STAT4: variants seen among roughly 807,000 people sequenced by gnomAD.
STAT4 encodes the protein signal transducer and activator of transcription 4.
Under a neutral mutation model 110.5 loss-of-function variants are expected in STAT4, and 42 were observed. The ratio of observed to expected loss-of-function variants is 0.38; its 90% CI spans 0.30 to 0.49. The LOEUF (loss-of-function observed/expected upper bound fraction) is 0.49. Among genes scored for constraint, STAT4 ranks in the 20% least tolerant of loss-of-function variants. The pLI is 0.95. For missense variants in STAT4, 632 were observed against 887.9 expected (o/e 0.71, Z 3.66); for synonymous variants, 284 against 302.2 (o/e 0.94, Z 0.63).
Position 191,030,695 on chromosome 2 carries a change from T to A in STAT4, c.2220+277A>T. ...GGGCCCATGGTGCAAGCAGCGATAG[T>A]GTGCTTGAGTAGGGTATAGGAATAT... On this transcript the variant is annotated intron_variant, in intron 23 of 23. Transcript: ENST00000392320. The surrounding 1 kb of genome is among the most constrained non-coding windows in gnomAD (Gnocchi z 4.4). The A allele has an allele frequency of 3.3e-6, 1 of 306,012 alleles. No individual in the cohort carries two copies. Among genetic ancestry groups the A allele is most frequent in the Non-Finnish European group, 6.3e-6 (1 of 159,368 alleles). 19.0% of individuals were successfully genotyped at this position (306,012 alleles called of 1,614,324 possible). A position where few individuals can be genotyped will look rare whatever the true frequency, so the allele number is the denominator to read the frequency against.
chr2:191,032,850 A>C lies in STAT4; in HGVS notation c.2044+108T>G. 8.5e-7 allele frequency: 1 copy of C among 1,173,112 alleles called. No homozygotes were observed. The highest frequency in any genetic ancestry group is 1.2e-6 in the Non-Finnish European group (1 of 836,588). 72.7% of individuals were successfully genotyped at this position (1,173,112 alleles called of 1,614,324 possible). ...ACCTCCACATGCCCTTAGATCTTAC[A>C]GAAATCAGAGTAAACAAGAAGGGGA... On this transcript the variant is annotated intron_variant, in intron 21 of 23. Transcript: ENST00000392320. The surrounding 1 kb of genome is among the most constrained non-coding windows in gnomAD (Gnocchi z 4.9).
intron 3 of STAT4, among the ~76,000 whole-genome samples, chr2:191,130,301 C>T (rs1574186367): frequency 1.3e-5 from 2 of 148,420 alleles, no homozygotes; most frequent in Non-Finnish European, 3.0e-5. Flanking sequence ...CAGCTCACTG[C>T]AAGCTAGGGT....
intron 3 of STAT4, among the ~76,000 whole-genome samples, chr2:191,089,556 G>T (rs1697736209): frequency 6.6e-6 from 1 of 152,164 alleles, no homozygotes; most frequent in Non-Finnish European, 1.5e-5. Flanking sequence ...GCACCCCTTG[G>T]TATTTATCTA....
intron 3 of STAT4, among the ~76,000 whole-genome samples, chr2:191,127,139 A>T (rs111378866): frequency 1.8e-4 from 28 of 152,240 alleles, no homozygotes; most frequent in African/African-American, 6.5e-4. Flanking sequence ...AACCAAAAAA[A>T]CTCAGTGTCA....
chr2:191,057,981 GA>G (rs750441597), intron 13 of STAT4, 36 bp downstream of exon 13: 15 of 1,520,834 alleles, frequency 9.9e-6, no homozygotes, highest in African/African-American at 1.4e-5. Flanking sequence ...TGATTTTGGG[GA>G]AAAAAAAGCC....
At chr2:191,071,443 T>C (rs1048241557) in intron 5 of STAT4, among the ~76,000 whole-genome samples, 2 of 152,206 alleles carry the variant, frequency 1.3e-5, no homozygotes, top group African/African-American at 4.8e-5. Context: ...AAAGCAGAGA[T>C]ATACTGTGGT....
intron 3 of STAT4, among the ~76,000 whole-genome samples, chr2:191,130,362 A>G (rs976217601): frequency 8.8e-5 from 13 of 147,856 alleles, no homozygotes; most frequent in Non-Finnish European, 1.9e-4. Context: ...AGCTTGGACT[A>G]CAGGCACCTG....
intron 3 of STAT4, among the ~76,000 whole-genome samples, chr2:191,133,140 AAT>A (rs1241222615): frequency 1.3e-5 from 2 of 151,046 alleles, no homozygotes; most frequent in Admixed American, 6.6e-5. Context: ...AATATTTTAA[AAT>A]AATATTTAAT....
In STAT4 at chr2:191,138,079, G is replaced by T. The variant is rs768879755; in HGVS notation, c.273+8534C>A. ...CAGCAGAGTGAAGAGACAATCTGCT[G>T]AATGGGAGAAAATATTTGCAAACTA... On this transcript the variant is annotated intron_variant, in intron 3 of 23. Coordinates refer to ENST00000392320, the MANE Select transcript of STAT4 (RefSeq NM_003151.4). This position sits in a 1 kb window ranked among gnomAD's most constrained non-coding sequence, Gnocchi z 4.3. Among the ~76,000 whole-genome samples the T allele has an allele frequency of 1.1e-4, 16 of 152,134 alleles. No individual in the cohort carries two copies. The highest frequency in any genetic ancestry group is 1.5e-5 in the Non-Finnish European group (1 of 68,014).
rs369936863 is a variant in STAT4, at chr2:191,065,257, A to G, written c.631-299T>C. ...TTGAATCTTGTAGTAACAAAACTGT[A>G]TAGTTGCTTATTAAAAGGATATTTA... On this transcript the variant is annotated intron_variant, in intron 7 of 23. Transcript: ENST00000392320. 3.3e-5 allele frequency among the ~76,000 whole-genome samples: 5 copies of G among 152,294 alleles called. No homozygotes were observed. The South Asian group carries it at 1.0e-3, about 32-fold the overall frequency.
intron 13 of STAT4, among the ~76,000 whole-genome samples, chr2:191,055,030 C>G (rs1341042691): frequency 6.6e-6 from 1 of 151,494 alleles, no homozygotes; most frequent in Non-Finnish European, 1.5e-5. Flanking sequence ...ATGTAGATTA[C>G]TGAATGAAAA....
Position 191,148,188 on chromosome 2 carries a change from G to T in STAT4, c.16C>A (p.Gln6Lys). The T allele has an allele frequency of 6.2e-7, 1 of 1,613,734 alleles. No homozygotes were observed. The highest frequency in any genetic ancestry group is 1.1e-5 in the South Asian group (1 of 91,042). MSQWN[Q>K]VQQLEIKFLE... ...AACTTGATTTCTAACTGTTGGACTTGATTCCACTGAGACATGCTATAAAAG... is the reference window on the plus strand; with the variant it reads ...AACTTGATTTCTAACTGTTGGACTTTATTCCACTGAGACATGCTATAAAAG... Residue 6 changes from glutamine (Q) to lysine (K), a missense_variant, in exon 2 of 24, where the codon CAA (glutamine) becomes AAA (lysine). Physicochemically the swap from Gln to Lys is moderately conservative, Grantham distance 53. Coordinates refer to ENST00000392320, the MANE Select transcript of STAT4 (RefSeq NM_003151.4).
intron 3 of STAT4, among the ~76,000 whole-genome samples, chr2:191,137,194 T>G (rs140042378): frequency 7.5e-4 from 114 of 151,796 alleles, no homozygotes; most frequent in African/African-American, 2.7e-3. Flanking sequence ...AATACAAACA[T>G]TAGCCAGGCA....
chr2:191,150,762 A>AC lies in STAT4; in HGVS notation c.-2+184dup, dbSNP rs1699574560. 6.6e-6 allele frequency among the ~76,000 whole-genome samples: 1 copy of AC among 152,142 alleles called. No individual in the cohort carries two copies. The highest frequency in any genetic ancestry group is 2.1e-4 in the South Asian group (1 of 4,828). On this transcript the variant is annotated intron_variant, in intron 1 of 23. Transcript: ENST00000392320. This position sits in a 1 kb window ranked among gnomAD's most constrained non-coding sequence, Gnocchi z 6.4. ...GCCTGCGGAGCGGTTTCCGCGGAGA[A>AC]CCCGTGCCAGGGCGCATCTGTGGGT... is the stretch of plus-strand genomic sequence containing the variant.
At chr2:191,131,796 T>A in intron 3 of STAT4, 1 of 1,356,038 alleles carries the variant, frequency 7.4e-7, no homozygotes, top group Non-Finnish European at 9.5e-7. Context: ...ATCATCTGAA[T>A]GTCCCAGGTG....
intron 3 of STAT4, among the ~76,000 whole-genome samples, chr2:191,118,221 T>G (rs1452657237): frequency 6.6e-6 from 1 of 152,218 alleles, no homozygotes; most frequent in Non-Finnish European, 1.5e-5. Context: ...TTTTAGAAAT[T>G]TATCCTAAGG....
rs191811008 is a variant in STAT4 at position 191,125,555 on chromosome 2, G to A, written c.273+21058C>T. ...CAGGCTGGAGTGCAGTGGTGCAATCGTAACTTGCTGTAACCTCAAACTCCA... is the reference window on the plus strand; with the variant it reads ...CAGGCTGGAGTGCAGTGGTGCAATCATAACTTGCTGTAACCTCAAACTCCA... On this transcript the variant is annotated intron_variant, in intron 3 of 23. Transcript: ENST00000392320. Among the ~76,000 whole-genome samples, 44 of 150,746 alleles carry A rather than the reference G, an allele frequency of 2.9e-4. 1 individual carries two copies. The South Asian group carries it at 8.2e-3, about 28-fold the overall frequency.
At chr2:191,081,095 G>A (rs979309444) in intron 3 of STAT4, among the ~76,000 whole-genome samples, 2 of 152,104 alleles carry the variant, frequency 1.3e-5, no homozygotes, top group Non-Finnish European at 2.9e-5. Flanking sequence ...TGCTGTGTTT[G>A]GTTTTCTGTT....
intron 3 of STAT4, among the ~76,000 whole-genome samples, chr2:191,145,658 T>C (rs1699443278): frequency 6.6e-6 from 1 of 152,208 alleles, no homozygotes; most frequent in African/African-American, 2.4e-5. Flanking sequence ...AACAATATAT[T>C]TGTCCTTCTC....
Sources: allele counts gnomAD v4.1 joint callset (sites outside exome capture counted in the v4.1 genomes callset), GRCh38; gene constraint gnomAD v4.1.1; non-coding constraint Gnocchi (gnomAD v3.1); transcripts MANE v1.5; gene names NCBI Gene and HGNC (gene_info 2026-07-23, HGNC 2026-07-21).